Variants in COL4A6 observed in about 807,000 individuals in gnomAD.
COL4A6 encodes collagen alpha-6(IV) chain.
In COL4A6, 59 loss-of-function variants were observed where a neutral mutation model predicts 126.7. The ratio of observed to expected loss-of-function variants is 0.47; its 90% CI spans 0.38 to 0.58. The LOEUF (loss-of-function observed/expected upper bound fraction) is 0.58. COL4A6 is among the 20% of genes least tolerant of loss of function. The pLI is 0.00. For synonymous variants in COL4A6, 547 were observed against 496.6 expected, an observed-to-expected ratio of 1.10 and a Z score of -1.35; for missense variants, 1,285 against 1,337.3, an observed-to-expected ratio of 0.96 and a Z score of 0.61.
At chrX:108,326,573 C>A (rs1056194742) in intron 2 of COL4A6, among the ~76,000 whole-genome samples, 3 of 111,807 alleles carry the variant, frequency 2.7e-5, no homozygotes, top group Non-Finnish European at 5.6e-5. Context: ...CTACAGCAAT[C>A]AAGAGAGTGT....
intron 3 of COL4A6, among the ~76,000 whole-genome samples, chrX:108,289,801 A>G (rs2038114990): frequency 8.9e-6 from 1 of 111,988 alleles, no homozygotes; most frequent in Admixed American, 9.5e-5. Context: ...TTGAATTTAT[A>G]TAAACTAAGG....
intron 3 of COL4A6, among the ~76,000 whole-genome samples, chrX:108,287,024 A>G (rs2038024611): frequency 8.9e-6 from 1 of 111,777 alleles, no homozygotes; most frequent in Non-Finnish European, 1.9e-5. Context: ...GAAAGAAGAT[A>G]GAAGTAGTCT....
At position 108,174,479 on chromosome X, in the gene COL4A6, G is replaced by A; in HGVS notation, c.3099C>T (p.Ser1033=). 2.5e-6 allele frequency: 3 copies of A among 1,211,482 alleles called. No individual in the cohort carries two copies. The highest frequency in any genetic ancestry group is 3.4e-6 in the Non-Finnish European group (3 of 895,319). Reference sequence around the variant, plus strand: ...TTCCTGGGAAACCTGTGATCCCAGAGGACCCCTTCAGGCCAGGTAAGCCCC... The same window carrying A: ...TTCCTGGGAAACCTGTGATCCCAGAAGACCCCTTCAGGCCAGGTAAGCCCC... ...GIRGLPGLKG[S]SGITGFPGMP... Residue 1033 remains serine, a synonymous_variant, in exon 31 of 45, where the codon TCC becomes TCT. Coordinates refer to ENST00000334504, the MANE Select transcript of COL4A6 (RefSeq NM_033641.4).
chrX:108,219,814 G>A (rs2035964506), intron 4 of COL4A6, 72 bp from the exon 5 acceptor site: 2 of 867,172 alleles, frequency 2.3e-6, no homozygotes, highest in Admixed American at 4.6e-5. Context: ...GTAGGTTTAT[G>A]AGAGTCAATG....
chrX:108,281,877 G>T (rs1479831136), intron 3 of COL4A6, among the ~76,000 whole-genome samples: 20 of 110,852 alleles, frequency 1.8e-4, no homozygotes, highest in African/African-American at 6.6e-4. Context: ...ACAAACCTGA[G>T]AAAAAGAAGC....
At chrX:108,343,153 A>G (rs2039611720) in intron 2 of COL4A6, among the ~76,000 whole-genome samples, 2 of 74,978 alleles carry the variant, frequency 2.7e-5, no homozygotes, top group Admixed American at 1.6e-4. Context: ...ATATATATAT[A>G]TATATATATA....
At chrX:108,438,626 C>T (rs754081508), upstream of COL4A6, among the ~76,000 whole-genome samples, 2 of 112,705 alleles carry the variant, frequency 1.8e-5, no homozygotes, top group Admixed American at 9.3e-5. Context: ...GCATCATATA[C>T]TTTCAACTTT....
chrX:108,377,387 T>C (rs1276825491), intron 2 of COL4A6, among the ~76,000 whole-genome samples: 1 of 109,222 alleles, frequency 9.2e-6, no homozygotes, highest in Middle Eastern at 4.7e-3. Flanking sequence ...GTCTTCCTCT[T>C]TCTTTTTTTT....
chrX:108,233,612 T>C (rs1369486566), intron 3 of COL4A6, among the ~76,000 whole-genome samples: 2 of 112,064 alleles, frequency 1.8e-5, no homozygotes, highest in Non-Finnish European at 3.8e-5. Flanking sequence ...CTCACATCCC[T>C]GTATTCATTT....
chrX:108,288,813 C>A lies in COL4A6; in HGVS notation c.144+21935G>T, dbSNP rs181633655. On this transcript the variant is annotated intron_variant, in intron 3 of 44. Coordinates refer to ENST00000334504, the MANE Select transcript of COL4A6 (RefSeq NM_033641.4). ...CATTGCAATGGAGAAATATATTGGG[C>A]GCCACCCTAACCAAATGATTATGTT... Among the ~76,000 whole-genome samples, 643 of 110,659 alleles carry A rather than the reference C, an allele frequency of 5.8e-3. 11 individuals are homozygous for A. Among genetic ancestry groups the A allele is most frequent in the Non-Finnish European group, 5.8e-3 (306 of 52,835 alleles).
chrX:108,199,614 T>A (rs2035326911), intron 13 of COL4A6, among the ~76,000 whole-genome samples: 1 of 111,840 alleles, frequency 8.9e-6, no homozygotes, highest in Non-Finnish European at 1.9e-5. Flanking sequence ...ACACTGGAAA[T>A]ACTGAGTTTG....
At chrX:108,366,241 C>T (rs766310681) in intron 2 of COL4A6, among the ~76,000 whole-genome samples, 20 of 111,530 alleles carry the variant, frequency 1.8e-4, no homozygotes, top group Non-Finnish European at 3.0e-4. Context: ...CCATTTTACA[C>T]GATGAGGAAA....
Position 108,194,583 on chromosome X carries a change from T to C in COL4A6, c.953A>G (p.Lys318Arg), listed in dbSNP as rs780867365. 30 of 1,208,084 alleles carry C rather than the reference T, an allele frequency of 2.5e-5. No homozygotes were observed. Among genetic ancestry groups the C allele is most frequent in the Non-Finnish European group, 3.4e-5 (30 of 893,701 alleles). ...GVQGPPGQQG[K>R]KGTLGFPGLN... The stretch of plus-strand genomic sequence containing the variant: ...CCCAGGAAATCCCAGGGTCCCTTTC[T>C]TGCCCTGTGACAGAAACATAGTTAC... Residue 318 changes from lysine to arginine, a missense_variant, in exon 16 of 45, where the codon AAG becomes AGG. Coordinates refer to ENST00000334504, the MANE Select transcript of COL4A6 (RefSeq NM_033641.4).
intron 3 of COL4A6, among the ~76,000 whole-genome samples, chrX:108,245,365 G>A (rs906652497): frequency 8.9e-6 from 1 of 111,912 alleles, no homozygotes. Flanking sequence ...GTTATTGTCA[G>A]CATTTACAGG....
At chrX:108,436,915 T>C (rs991013037) in intron 2 of COL4A6, among the ~76,000 whole-genome samples, 6 of 111,650 alleles carry the variant, frequency 5.4e-5, no homozygotes, top group Non-Finnish European at 9.4e-5. Flanking sequence ...TATTTAAAAA[T>C]ATTTAAAATA....
intron 37 of COL4A6, among the ~76,000 whole-genome samples, chrX:108,166,034 A>G (rs1326830930): frequency 8.9e-6 from 1 of 112,499 alleles, no homozygotes; most frequent in Non-Finnish European, 1.9e-5. Context: ...CTGGAAAACA[A>G]TCTTTTATAG....
chrX:108,306,661 C>G (rs1295242135), intron 3 of COL4A6, among the ~76,000 whole-genome samples: 3 of 111,272 alleles, frequency 2.7e-5, no homozygotes, highest in Non-Finnish European at 5.7e-5. Flanking sequence ...GGCAGTGGAA[C>G]AGCAGGATGT....
chrX:108,253,910 A>G (rs1034572629), intron 3 of COL4A6, among the ~76,000 whole-genome samples: 1 of 111,802 alleles, frequency 8.9e-6, no homozygotes, highest in African/African-American at 3.2e-5. Flanking sequence ...TGAATCTTTC[A>G]TATAATGGGA....
At chrX:108,318,749 T>G (rs1315252914) in intron 2 of COL4A6, among the ~76,000 whole-genome samples, 1 of 112,267 alleles carries the variant, frequency 8.9e-6, no homozygotes, top group East Asian at 2.8e-4. Flanking sequence ...GGAAGAATAT[T>G]CCATGCTCAT....
Sources: allele counts gnomAD v4.1 joint callset (sites outside exome capture counted in the v4.1 genomes callset), GRCh38; gene constraint gnomAD v4.1.1; transcripts MANE v1.5; gene names NCBI Gene and HGNC (gene_info 2026-07-23, HGNC 2026-07-21).